RGS11: variants seen among roughly 807,000 people sequenced by gnomAD.
The protein encoded by RGS11 is regulator of G protein signaling 11, also known as regulator of G-protein signaling 11.
A neutral mutation model predicts 71.1 loss-of-function variants in RGS11; 86 were observed. The ratio of observed to expected loss-of-function variants is 1.21; its 90% CI spans 1.02 to 1.45. RGS11 has a LOEUF of 1.45. Ranked by LOEUF, RGS11 falls within the 40% of genes most tolerant of loss-of-function variation. The pLI is 0.00. For synonymous variants in RGS11, 298 were observed against 254.2 expected (o/e 1.17, Z -1.64); for missense variants, 734 against 635.1 (o/e 1.16, Z -1.67).
intron 7 of RGS11, 92 bp from the exon 8 acceptor site, chr16:273,648 C>G: frequency 1.3e-6 from 2 of 1,489,282 alleles, no homozygotes; most frequent in Non-Finnish European, 1.8e-6. Flanking sequence ...GGCAGCCACA[C>G]CCAGGGGTGC....
rs1223894441 is a variant in RGS11, at chr16:269,121, C to T, written c.*148G>A. The T allele has an allele frequency of 3.4e-6, 3 of 892,214 alleles. No individual in the cohort carries two copies. Among genetic ancestry groups the T allele is most frequent in the South Asian group, 1.4e-5 (1 of 69,330 alleles). 55.3% of individuals were successfully genotyped at this position (892,214 alleles called of 1,614,324 possible). On this transcript the variant is annotated 3_prime_UTR_variant, in exon 17 of 17. Coordinates refer to ENST00000397770, the MANE Select transcript of RGS11 (RefSeq NM_183337.3). ...TTGCTGGAGGGAGGGAGGCTGTGCA[C>T]CCCACAGAAGACTGGGCCCCCTGGG... is the stretch of plus-strand genomic sequence containing the variant.
chr16:273,158 C>T (rs558955745), intron 8 of RGS11, among the ~76,000 whole-genome samples: 2 of 152,142 alleles, frequency 1.3e-5, no homozygotes, highest in African/African-American at 4.8e-5. Flanking sequence ...AACTCGGTCC[C>T]CCCACTGCAG....
chr16:273,429 C>A, intron 8 of RGS11, 46 bp downstream of exon 8: 1 of 1,450,918 alleles, frequency 6.9e-7, no homozygotes. Flanking sequence ...GCACGCTGAC[C>A]CCTGCGCTGG....
At chr16:274,286 G>C (rs771112417) in intron 4 of RGS11, 21 bp from the exon 5 acceptor site, 1 of 1,605,062 alleles carries the variant, frequency 6.2e-7, no homozygotes. Flanking sequence ...GCAGGGAGAA[G>C]GTGTCCAGGA....
chr16:275,075 C>T lies in RGS11; in HGVS notation c.219G>A (p.Leu73=), dbSNP rs1326595651. ...GCTGCACCAGGACGGCGCCCAGGTG[C>T]AGGGCCTCTGGGGAGGGGTGGGACG... The part of the protein sequence containing the change: ...QKFCVSEEEA[L]HLGAVLVQHG... Residue 73 remains leucine, a synonymous_variant, in exon 4 of 17, where the codon CTG becomes CTA. Transcript: ENST00000397770. 6.8e-7 allele frequency: 1 copy of T among 1,479,796 alleles called. No homozygotes were observed. Among genetic ancestry groups the T allele is most frequent in the East Asian group, 2.5e-5 (1 of 40,756 alleles). The allele number at this position is 1,479,796 out of a possible 1,614,324, so 91.7% of individuals were successfully genotyped here.
intron 9 of RGS11, chr16:272,309 T>C: frequency 7.8e-7 from 1 of 1,282,460 alleles, no homozygotes. Flanking sequence ...GTGTCCCCGC[T>C]CTCTCTGACC....
rs1380561616 is a variant in RGS11, at chr16:273,762, C to A, written c.504G>T (p.Leu168=). 6.2e-7 allele frequency: 1 copy of A among 1,612,348 alleles called. No individual in the cohort carries two copies. The highest frequency in any genetic ancestry group is 1.7e-5 in the Admixed American group (1 of 60,026). ...GGCGGGGCAGGGCGGGGCCTCACCT[C>A]AGCTGCTCCCTCGCCTGCATCAGCA... ...DLVLMQAREQ[L]RAAKQRSKGD... The change falls in exon 7 of 17, where the codon CTG becomes CTT. Residue 168 remains leucine (L), a splice_region_variant and synonymous_variant. Coordinates refer to ENST00000397770, the MANE Select transcript of RGS11 (RefSeq NM_183337.3).
rs183564596 is a variant in RGS11 at position 271,527 on chromosome 16, C to T, written c.687+13G>A. On this transcript the variant is annotated intron_variant, in intron 10 of 16. Transcript: ENST00000397770. ...GGCACCTGGCACCCTCCACTCCCAG[C>T]TCCAGAACTTACCTCCCGCTTATGG... is the stretch of plus-strand genomic sequence containing the variant. The T allele has an allele frequency of 3.7e-4, 595 of 1,614,032 alleles. 4 individuals carry two copies. In the African/African-American group the frequency reaches 7.3e-3, roughly 20 times the overall value.
intron 16 of RGS11, 25 bp downstream of exon 16, chr16:269,478 G>A: frequency 6.2e-7 from 1 of 1,610,364 alleles, no homozygotes; most frequent in South Asian, 1.1e-5. Flanking sequence ...ACAGCCGCCG[G>A]CCACAGGGCA....
At chr16:269,636 GC>G (rs746472119) in intron 15 of RGS11, 51 bp from the exon 16 acceptor site, 20 of 1,390,448 alleles carry the variant, frequency 1.4e-5, no homozygotes, top group Non-Finnish European at 2.0e-5. Context: ...TCACCTCTCA[GC>G]CAGCTCCACC....
In RGS11 at chr16:273,759, C is replaced by G; in HGVS notation, c.506+1G>C. 6.2e-7 allele frequency: 1 copy of G among 1,612,250 alleles called. No homozygotes were observed. Among genetic ancestry groups the G allele is most frequent in the East Asian group, 2.2e-5 (1 of 44,870 alleles). ...CGGGGCGGGGCAGGGCGGGGCCTCA[C>G]CTCAGCTGCTCCCTCGCCTGCATCA... is the stretch of plus-strand genomic sequence containing the variant. On this transcript the variant is annotated splice_donor_variant, in intron 7 of 16. Coordinates refer to ENST00000397770, the MANE Select transcript of RGS11 (RefSeq NM_183337.3). LOFTEE classifies it high-confidence loss of function.
chr16:272,323 T>G, intron 9 of RGS11: 1 of 1,287,900 alleles, frequency 7.8e-7, no homozygotes, highest in Non-Finnish European at 1.0e-6. Context: ...TCTGACCAGC[T>G]TTGTATGGGG....
In RGS11 at chr16:268,859, G is replaced by C. The variant is rs1276875568; in HGVS notation, c.*410C>G. On this transcript the variant is annotated 3_prime_UTR_variant, in exon 17 of 17. Coordinates refer to ENST00000397770, the MANE Select transcript of RGS11 (RefSeq NM_183337.3). ...TGCATGTCCGCGTCTTGTGACGGGT[G>C]TGTGGGAAGCCGCCCGCCTGTGCAT... is the stretch of plus-strand genomic sequence containing the variant. The C allele has an allele frequency of 8.4e-6, 13 of 1,550,438 alleles. No homozygotes were observed. Among genetic ancestry groups the C allele is most frequent in the Non-Finnish European group, 1.1e-5 (13 of 1,146,976 alleles).
At chr16:270,198 G>A (rs908622732) in intron 15 of RGS11, among the ~76,000 whole-genome samples, 6 of 152,190 alleles carry the variant, frequency 3.9e-5, no homozygotes, top group African/African-American at 4.8e-5. Flanking sequence ...GCACTGAGCC[G>A]AGATCCCGCC....
At chr16:274,717 A>G in intron 4 of RGS11, 1 of 691,996 alleles carries the variant, frequency 1.4e-6, no homozygotes, top group Non-Finnish European at 2.6e-6. Flanking sequence ...TCCTCTGCAC[A>G]TACGACCCCT....
At position 275,832 on chromosome 16, in the gene RGS11, AC is replaced by A; in HGVS notation, c.63+16del. The stretch of plus-strand genomic sequence containing the variant: ...CCGGGAAATCGGGGGACGGCGGGAC[AC>A]CCACCCGCCTCGCACCTTCCTCAGA... On this transcript the variant is annotated intron_variant, in intron 1 of 16. Transcript: ENST00000397770. 3 of 1,048,320 alleles carry A rather than the reference AC, an allele frequency of 2.9e-6. No individual in the cohort carries two copies. The highest frequency in any genetic ancestry group is 3.6e-6 in the Non-Finnish European group (3 of 843,162). 64.9% of individuals were successfully genotyped at this position (1,048,320 alleles called of 1,614,324 possible).
chr16:268,658 C>G lies in RGS11; in HGVS notation c.*611G>C, dbSNP rs2051780080. 4.8e-6 allele frequency: 5 copies of G among 1,043,806 alleles called. No homozygotes were observed. In the East Asian group the frequency reaches 1.3e-4, roughly 27 times the overall value. The allele number at this position is 1,043,806 out of a possible 1,614,324, so 64.7% of individuals were successfully genotyped here. A position where few individuals can be genotyped will look rare whatever the true frequency, so the allele number is the denominator to read the frequency against. On this transcript the variant is annotated 3_prime_UTR_variant, in exon 17 of 17. Coordinates refer to ENST00000397770, the MANE Select transcript of RGS11 (RefSeq NM_183337.3). Reference sequence around the variant, plus strand: ...CGGCCTCGAGGTGGGAAAGCAGGTGCCGGCGCACCTGTGGACAAATTCTGG... The same window carrying G: ...CGGCCTCGAGGTGGGAAAGCAGGTGGCGGCGCACCTGTGGACAAATTCTGG...
intron 9 of RGS11, chr16:272,455 C>CTCCCTCTGGTCTGG (rs1472987393): frequency 7.6e-7 from 1 of 1,322,030 alleles, no homozygotes; most frequent in South Asian, 1.2e-5. Flanking sequence ...GGCTCAGATG[C>CTCCCTCTGGTCTGG]TCCCTCTGGT....
At position 269,487 on chromosome 16, in the gene RGS11, C is replaced by T. The variant is rs753777943; in HGVS notation, c.1289+16G>A. The T allele has an allele frequency of 2.2e-5, 35 of 1,611,738 alleles. No individual in the cohort carries two copies. In the Middle Eastern group the frequency reaches 4.9e-4, roughly 23 times the overall value. ...CAGGCCACAGCCGCCGGCCACAGGG[C>T]ACTGCCTGGGCTCACCGTCTCTTCA... On this transcript the variant is annotated intron_variant, in intron 16 of 16. Transcript: ENST00000397770.
Sources: gnomAD v4.1 joint callset for allele counts (sites outside exome capture counted in the v4.1 genomes callset) on GRCh38, gnomAD v4.1.1 for gene constraint, MANE v1.5 for transcripts, NCBI Gene and HGNC (gene_info 2026-07-23, HGNC 2026-07-21) for gene names.